PCDHGB1: variants seen among roughly 807,000 people sequenced by gnomAD.
PCDHGB1 encodes protocadherin gamma subfamily B, 1.
PCDHGB1 carries 34 observed loss-of-function variants against 56.6 expected under a neutral mutation model. That is an observed-to-expected ratio of 0.60 (90% CI 0.46 to 0.80). The LOEUF (loss-of-function observed/expected upper bound fraction) is 0.80, where lower values mean the gene tolerates loss of function less well. Ranked by LOEUF, PCDHGB1 falls within the 30% of genes least tolerant of loss-of-function variation. The pLI is 0.00. For missense variants in PCDHGB1, 1,278 were observed against 1,204.6 expected, an observed-to-expected ratio of 1.06 and a Z score of -0.90; for synonymous variants, 561 against 505.9, an observed-to-expected ratio of 1.11 and a Z score of -1.46.
intron 1 of PCDHGB1, chr5:141,402,981 G>A (rs375892904): frequency 1.2e-6 from 2 of 1,608,410 alleles, no homozygotes; most frequent in Non-Finnish European, 1.7e-6. Flanking sequence ...TGCCAGCTCC[G>A]CGGAAGATTA....
chr5:141,375,671 C>T (rs781705381), intron 1 of PCDHGB1: 14 of 1,614,148 alleles, frequency 8.7e-6, no homozygotes, highest in South Asian at 7.7e-5. Context: ...AGACCTACAG[C>T]TGTGGGTGAC....
intron 1 of PCDHGB1, chr5:141,478,451 G>A (rs377597887): frequency 2.5e-6 from 4 of 1,613,440 alleles, no homozygotes; most frequent in African/African-American, 2.7e-5. Context: ...ACCTGGTGCA[G>A]CCAGTCCACT....
intron 1 of PCDHGB1, chr5:141,422,371 C>T (rs866886181): frequency 6.4e-7 from 1 of 1,567,212 alleles, no homozygotes; most frequent in South Asian, 1.2e-5. Context: ...AGAAAATGGT[C>T]AAGTCTCCTG....
At chr5:141,410,266 G>A in intron 1 of PCDHGB1, 1 of 1,614,036 alleles carries the variant, frequency 6.2e-7, no homozygotes, top group South Asian at 1.1e-5. Context: ...AGGCTGAACT[G>A]CAGTTTTACC....
At chr5:141,389,091 G>A (rs1303132964) in intron 1 of PCDHGB1, 1 of 1,614,038 alleles carries the variant, frequency 6.2e-7, no homozygotes, top group Non-Finnish European at 8.5e-7. Flanking sequence ...GTATAAATTA[G>A]TGACAGATGC....
intron 1 of PCDHGB1, chr5:141,355,572 CG>C: frequency 6.2e-7 from 1 of 1,613,892 alleles, no homozygotes; most frequent in South Asian, 1.1e-5. Flanking sequence ...TGGAAATAAT[CG>C]ATGTTAATGA....
rs776923636 is a variant in PCDHGB1, at chr5:141,361,278, A to G, written c.2409+8609A>G. On this transcript the variant is annotated intron_variant, in intron 1 of 3. Coordinates refer to ENST00000523390, the MANE Select transcript of PCDHGB1 (RefSeq NM_018922.3). ...ACAGAGACTCTGGAGAAAATGGAGA[A>G]GTTTACTGCCAAGTGTTGGGAAATG... The G allele has an allele frequency of 1.4e-5, 23 of 1,613,896 alleles. No individual in the cohort carries two copies. In the South Asian group the frequency reaches 2.5e-4, roughly 18 times the overall value.
At chr5:141,430,551 C>T (rs2097292247) in intron 1 of PCDHGB1, 2 of 406,412 alleles carry the variant, frequency 4.9e-6, no homozygotes, top group Admixed American at 4.1e-5. Context: ...CCGCTGTTCA[C>T]CAATCGGGGA....
intron 1 of PCDHGB1, chr5:141,378,088 T>A (rs1218204650): frequency 6.6e-6 from 1 of 152,252 alleles, no homozygotes; most frequent in African/African-American, 2.4e-5. Context: ...TTATAACTTT[T>A]TTTCAAACTC....
intron 1 of PCDHGB1, chr5:141,371,954 C>T (rs1182311011): frequency 6.2e-7 from 1 of 1,613,274 alleles, no homozygotes; most frequent in Non-Finnish European, 8.5e-7. Flanking sequence ...AGCGAGCCTT[C>T]GACCACGAGC....
chr5:141,489,290 G>A lies in PCDHGB1; in HGVS notation c.2410-5517G>A. 6.3e-7 allele frequency: 1 copy of A among 1,577,514 alleles called. No individual in the cohort carries two copies. The highest frequency in any genetic ancestry group is 8.6e-7 in the Non-Finnish European group (1 of 1,162,002). ...CTCGCTGGGAAATGGCAAGTGCTGT[G>A]CATGTTGTCCTTGTGCTGCTGGGGC... On this transcript the variant is annotated intron_variant, in intron 1 of 3. Transcript: ENST00000523390. This position sits in a 1 kb window ranked among gnomAD's most constrained non-coding sequence, Gnocchi z 4.5.
At chr5:141,382,022 T>C (rs1330641881) in intron 1 of PCDHGB1, among the ~76,000 whole-genome samples, 1 of 151,530 alleles carries the variant, frequency 6.6e-6, no homozygotes, top group Non-Finnish European at 1.5e-5. Context: ...AGAGACGGGG[T>C]TTCTCCATGT....
In PCDHGB1 at chr5:141,477,362, G is replaced by T. The variant is rs920445601; in HGVS notation, c.2410-17445G>T. 6.2e-7 allele frequency: 1 copy of T among 1,614,142 alleles called. No individual in the cohort carries two copies. The highest frequency in any genetic ancestry group is 1.3e-5 in the African/African-American group (1 of 75,022). On this transcript the variant is annotated intron_variant, in intron 1 of 3. Coordinates refer to ENST00000523390, the MANE Select transcript of PCDHGB1 (RefSeq NM_018922.3). The surrounding 1 kb of genome is among the most constrained non-coding windows in gnomAD (Gnocchi z 4.9). ...CACTTTGAAAACCAGTGCAGACCTG[G>T]ATCGGGAGACTGTGCCAGAATACAA...
rs891428609 is a variant in PCDHGB1, at chr5:141,503,553, C to T, written c.2469-1840C>T. Among the ~76,000 whole-genome samples the T allele has an allele frequency of 9.4e-5, 14 of 149,164 alleles. No homozygotes were observed. In the East Asian group the frequency reaches 2.2e-3, roughly 23 times the overall value. On this transcript the variant is annotated intron_variant, in intron 2 of 3. Coordinates refer to ENST00000523390, the MANE Select transcript of PCDHGB1 (RefSeq NM_018922.3). ...GGCAGAGGTTGCAGTGAGCCGAGAT[C>T]GCGCCACTGTACTCCAGCCTGGGTG...
At chr5:141,430,841 T>C (rs757539834) in intron 1 of PCDHGB1, 1 of 1,566,462 alleles carries the variant, frequency 6.4e-7, no homozygotes, top group South Asian at 1.2e-5. Flanking sequence ...GGAGACCGGA[T>C]GCACCCAGAT....
At position 141,490,479 on chromosome 5, in the gene PCDHGB1, C is replaced by T; in HGVS notation, c.2410-4328C>T. 11 of 1,614,216 alleles carry T rather than the reference C, an allele frequency of 6.8e-6. No homozygotes were observed. Among genetic ancestry groups the T allele is most frequent in the Non-Finnish European group, 9.3e-6 (11 of 1,180,032 alleles). ...CGCTGCTAACCAGCCAGCCTTTGGACCGGGAGGCCACATCCCACTATATCA... is the reference window on the plus strand; with the variant it reads ...CGCTGCTAACCAGCCAGCCTTTGGATCGGGAGGCCACATCCCACTATATCA... On this transcript the variant is annotated intron_variant, in intron 1 of 3. Coordinates refer to ENST00000523390, the MANE Select transcript of PCDHGB1 (RefSeq NM_018922.3). This position sits in a 1 kb window ranked among gnomAD's most constrained non-coding sequence, Gnocchi z 5.4.
intron 1 of PCDHGB1, chr5:141,419,926 G>T: frequency 6.2e-7 from 1 of 1,614,096 alleles, no homozygotes; most frequent in South Asian, 1.1e-5. Flanking sequence ...CTGAGATGCA[G>T]TTTTACCTGG....
intron 1 of PCDHGB1, chr5:141,399,691 C>A: frequency 6.2e-7 from 1 of 1,613,480 alleles, no homozygotes; most frequent in Non-Finnish European, 8.5e-7. Context: ...CGAGCAGCTG[C>A]GCACCTTCGA....
At position 141,410,109 on chromosome 5, in the gene PCDHGB1, A is replaced by T. The variant is rs771550139; in HGVS notation, c.2409+57440A>T. On this transcript the variant is annotated intron_variant, in intron 1 of 3. Transcript: ENST00000523390. ...ACGGCTCGAGCCTTAGGCGACAGGG[A>T]CGCAGCCCGCCAGCGCCTGCTGGTC... is the stretch of plus-strand genomic sequence containing the variant. 9.9e-6 allele frequency: 16 copies of T among 1,612,380 alleles called. 1 individual carries two copies. The South Asian group carries it at 1.6e-4, about 17-fold the overall frequency.
Sources: allele counts gnomAD v4.1 joint callset (sites outside exome capture counted in the v4.1 genomes callset), GRCh38; gene constraint gnomAD v4.1.1; non-coding constraint Gnocchi (gnomAD v3.1); transcripts MANE v1.5; gene names NCBI Gene and HGNC (gene_info 2026-07-23, HGNC 2026-07-21).